The following FAM193A variants were observed in gnomAD, a reference collection of about 807,000 sequenced individuals.
FAM193A encodes protein FAM193A.
Under a neutral mutation model 126.5 loss-of-function variants are expected in FAM193A, and 22 were observed. That is an observed-to-expected ratio of 0.17 (90% CI 0.12 to 0.25). The LOEUF is 0.25. Ranked by LOEUF, FAM193A falls within the 10% of genes least tolerant of loss-of-function variation. The pLI, the probability that FAM193A is intolerant of heterozygous loss-of-function variation, is 1.00. For missense variants in FAM193A, 1,675 were observed against 1,672.8 expected (o/e 1.00, Z -0.02); for synonymous variants, 761 against 646.8 (o/e 1.18, Z -2.68).
At chr4:2,538,491 C>G (rs1203425309) in intron 1 of FAM193A, among the ~76,000 whole-genome samples, 2 of 152,102 alleles carry the variant, frequency 1.3e-5, no homozygotes, top group African/African-American at 4.8e-5. Flanking sequence ...CCGCGCCCGG[C>G]CGTTTTTATT....
intron 1 of FAM193A, among the ~76,000 whole-genome samples, chr4:2,587,544 T>G (rs1420584886): frequency 6.6e-6 from 1 of 151,426 alleles, no homozygotes; most frequent in African/African-American, 2.4e-5. Flanking sequence ...ATACAAAAAT[T>G]AGTTGGGCAT....
chr4:2,567,544 A>AG lies in FAM193A; in HGVS notation c.256-28540_256-28539insG, dbSNP rs1739042698. On this transcript the variant is annotated intron_variant, in intron 1 of 20. Coordinates refer to ENST00000637812, the MANE Select transcript of FAM193A (RefSeq NM_001366318.2). ...GATCTCCATAAGTTTTTTTGTCATG[A>AG]TTTTTGGTGACACAACAAGTTTTGT... 4.6e-5 allele frequency among the ~76,000 whole-genome samples: 7 copies of AG among 152,256 alleles called. No individual in the cohort carries two copies. The South Asian group carries it at 1.0e-3, about 23-fold the overall frequency.
In FAM193A at chr4:2,689,502, G is replaced by A; in HGVS notation, c.2332-4G>A. ...ATATGTGATTAGAAAATTTTTTTTTGTAGGCTTTACCGCCAGCACCTGTTC... is the reference window on the plus strand; with the variant it reads ...ATATGTGATTAGAAAATTTTTTTTTATAGGCTTTACCGCCAGCACCTGTTC... On this transcript the variant is annotated splice_polypyrimidine_tract_variant and splice_region_variant and intron_variant, in intron 13 of 20. Coordinates refer to ENST00000637812, the MANE Select transcript of FAM193A (RefSeq NM_001366318.2). 4.5e-6 allele frequency: 7 copies of A among 1,547,624 alleles called. No homozygotes were observed. The highest frequency in any genetic ancestry group is 6.0e-6 in the Non-Finnish European group (7 of 1,159,264).
chr4:2,539,250 T>G (rs991462301), intron 1 of FAM193A, among the ~76,000 whole-genome samples: 1 of 152,190 alleles, frequency 6.6e-6, no homozygotes, highest in African/African-American at 2.4e-5. Flanking sequence ...CCTATTATTA[T>G]TAAGATAGGG....
chr4:2,717,718 G>C (rs1719696602), intron 20 of FAM193A, among the ~76,000 whole-genome samples: 1 of 149,120 alleles, frequency 6.7e-6, no homozygotes, highest in Non-Finnish European at 1.5e-5. Context: ...CACGGCACTT[G>C]CACTCTAGCC....
chr4:2,704,241 A>G lies in FAM193A; in HGVS notation c.4372+3697A>G, dbSNP rs966703024. ...TCACACCACTGCCCTCCAGCCTGGC[A>G]ACAGAGTGAGACTCCATCTCAAAAA... is the stretch of plus-strand genomic sequence containing the variant. On this transcript the variant is annotated intron_variant, in intron 19 of 20. Coordinates refer to ENST00000637812, the MANE Select transcript of FAM193A (RefSeq NM_001366318.2). Among the ~76,000 whole-genome samples, 7 of 147,710 alleles carry G rather than the reference A, an allele frequency of 4.7e-5. No homozygotes were observed. In the South Asian group the frequency reaches 6.6e-4, roughly 14 times the overall value.
chr4:2,620,884 G>C (rs1372479279), intron 2 of FAM193A, among the ~76,000 whole-genome samples: 1 of 147,872 alleles, frequency 6.8e-6, no homozygotes, highest in Admixed American at 6.7e-5. Flanking sequence ...CGACAGGTCA[G>C]CCACCCAGAT....
chr4:2,727,216 G>T (rs539662326), intron 20 of FAM193A, among the ~76,000 whole-genome samples: 1 of 151,742 alleles, frequency 6.6e-6, no homozygotes, highest in Non-Finnish European at 1.5e-5. Flanking sequence ...CCGAGATCGC[G>T]TCACTGCACT....
chr4:2,680,525 C>T (rs1437000334), intron 13 of FAM193A, among the ~76,000 whole-genome samples: 1 of 151,996 alleles, frequency 6.6e-6, no homozygotes, highest in Non-Finnish European at 1.5e-5. Flanking sequence ...AGAGAGAAGA[C>T]AGGGTCTCAC....
chr4:2,582,670 A>G (rs186363799), intron 1 of FAM193A, among the ~76,000 whole-genome samples: 426 of 150,566 alleles, frequency 2.8e-3, no homozygotes, highest in African/African-American at 7.9e-3. Flanking sequence ...AAAATTCTCA[A>G]CCGTTATTTC....
chr4:2,693,522 T>C, intron 15 of FAM193A, 64 bp from the exon 16 acceptor site: 3 of 1,497,742 alleles, frequency 2.0e-6, no homozygotes, highest in Non-Finnish European at 2.7e-6. Context: ...TTCTTTCAGA[T>C]TTTCTACAGG....
chr4:2,687,203 G>A (rs184568253), intron 13 of FAM193A, among the ~76,000 whole-genome samples: 1 of 152,292 alleles, frequency 6.6e-6, no homozygotes, highest in Non-Finnish European at 1.5e-5. Flanking sequence ...AAGGTGGAAA[G>A]GTTTGGTCGG....
chr4:2,575,801 T>C (rs1739552327), intron 1 of FAM193A, among the ~76,000 whole-genome samples: 1 of 152,070 alleles, frequency 6.6e-6, no homozygotes, highest in South Asian at 2.1e-4. Flanking sequence ...AGAATTATGC[T>C]CCCTGCCCTT....
At chr4:2,571,332 G>C (rs1739281018) in intron 1 of FAM193A, among the ~76,000 whole-genome samples, 1 of 152,186 alleles carries the variant, frequency 6.6e-6, no homozygotes, top group South Asian at 2.1e-4. Flanking sequence ...AGGTTCTAGA[G>C]TACCAGGCAG....
Position 2,582,470 on chromosome 4 carries a change from CCTCT to C in FAM193A, c.256-13607_256-13604del, listed in dbSNP as rs1200296875. ...TTTCCTTCCTTCCTTCTCCTTCCCT[CCTCT>C]CTCTCTTTCTTTCTTATTTTCATAG... is the stretch of plus-strand genomic sequence containing the variant. On this transcript the variant is annotated intron_variant, in intron 1 of 20. Transcript: ENST00000637812. Among the ~76,000 whole-genome samples, 12 of 152,216 alleles carry C rather than the reference CCTCT, an allele frequency of 7.9e-5. No individual in the cohort carries two copies. In the South Asian group the frequency reaches 1.7e-3, roughly 21 times the overall value.
intron 7 of FAM193A, 142 bp downstream of exon 7, chr4:2,646,974 G>C (rs1389448911): frequency 2.2e-6 from 2 of 902,610 alleles, no homozygotes; most frequent in African/African-American, 3.4e-5. Flanking sequence ...GGTAGCCCCT[G>C]TGTGTTAGCT....
intron 1 of FAM193A, among the ~76,000 whole-genome samples, chr4:2,580,003 C>A (rs769969018): frequency 1.3e-5 from 2 of 151,980 alleles, no homozygotes; most frequent in Non-Finnish European, 2.9e-5. Flanking sequence ...GCACTGTTCA[C>A]AATAGCAGAG....
intron 5 of FAM193A, among the ~76,000 whole-genome samples, chr4:2,637,156 G>A (rs111797711): frequency 2.7e-4 from 41 of 152,256 alleles, no homozygotes; most frequent in African/African-American, 6.5e-4. Flanking sequence ...GTGAGATCCC[G>A]TCTCTACAGA....
chr4:2,609,155 G>C (rs898240296), intron 2 of FAM193A, among the ~76,000 whole-genome samples: 1 of 152,042 alleles, frequency 6.6e-6, no homozygotes. Context: ...GCCTTCCAAA[G>C]TGCTGGGATT....
Sources: allele counts gnomAD v4.1 joint callset (sites outside exome capture counted in the v4.1 genomes callset), GRCh38; gene constraint gnomAD v4.1.1; transcripts MANE v1.5; gene names NCBI Gene and HGNC (gene_info 2026-07-23, HGNC 2026-07-21).